The following CRACD variants were observed in gnomAD, a reference collection of about 807,000 sequenced individuals.
The protein encoded by CRACD is capping protein-inhibiting regulator of actin dynamics.
A neutral mutation model predicts 106.8 loss-of-function variants in CRACD; 56 were observed. The observed-to-expected ratio is 0.52, with a 90% confidence interval of 0.42 to 0.66. The LOEUF is 0.66. Ranked by LOEUF, CRACD falls within the 30% of genes least tolerant of loss-of-function variation. The pLI is 0.00. For missense variants in CRACD, 1,730 were observed against 1,623.2 expected (o/e 1.07, Z -1.13); for synonymous variants, 754 against 670.8 (o/e 1.12, Z -1.92).
chr4:56,230,605 C>T (rs1249283415), intron 2 of CRACD, among the ~76,000 whole-genome samples: 5 of 152,132 alleles, frequency 3.3e-5, no homozygotes, highest in Admixed American at 6.5e-5. Context: ...CAATGGTTTT[C>T]GAGCAGTGTT....
rs371586965 is a variant in CRACD at position 56,095,768 on chromosome 4, G to C, written c.-336+46469G>C. Among the ~76,000 whole-genome samples the C allele has an allele frequency of 1.6e-3, 239 of 152,236 alleles. 1 individual carries two copies. The highest frequency in any genetic ancestry group is 0.014 in the Middle Eastern group (4 of 294). On this transcript the variant is annotated intron_variant, in intron 1 of 10. Coordinates refer to ENST00000682029, the MANE Select transcript of CRACD (RefSeq NM_001393381.1). The stretch of plus-strand genomic sequence containing the variant: ...GATGAGTGATATAATCCAACTTATC[G>C]AGGTCACTCTGATGTCTGTTGAGAG...
At chr4:56,182,523 A>G (rs932406468) in intron 2 of CRACD, among the ~76,000 whole-genome samples, 2 of 151,898 alleles carry the variant, frequency 1.3e-5, no homozygotes, top group African/African-American at 2.4e-5. Context: ...GAGGATCGTC[A>G]GTGTGATTTC....
At chr4:56,086,242 G>A (rs1173286478) in intron 1 of CRACD, among the ~76,000 whole-genome samples, 3 of 152,140 alleles carry the variant, frequency 2.0e-5, no homozygotes, top group African/African-American at 7.2e-5. Flanking sequence ...GGGAGTGCAT[G>A]CTAATAAAGA....
intron 2 of CRACD, among the ~76,000 whole-genome samples, chr4:56,236,821 C>A (rs1307929011): frequency 6.6e-6 from 1 of 151,118 alleles, no homozygotes; most frequent in Non-Finnish European, 1.5e-5. Flanking sequence ...ATATTTGCAA[C>A]GTATTACAAA....
In CRACD at chr4:56,314,703, C is replaced by G. The variant is rs775692731; in HGVS notation, c.1201C>G (p.Leu401Val). The G allele has an allele frequency of 6.4e-7, 1 of 1,560,238 alleles. No individual in the cohort carries two copies. Among genetic ancestry groups the G allele is most frequent in the Non-Finnish European group, 8.7e-7 (1 of 1,152,238 alleles). The change falls in exon 8 of 11, where the codon CTG becomes GTG. Residue 401 changes from leucine (L) to valine (V), a missense_variant. This residue lies in a region of CRACD where 1,620 missense variants were observed against 1,481.6 expected (regional missense o/e 1.09). Coordinates refer to ENST00000682029, the MANE Select transcript of CRACD (RefSeq NM_001393381.1). The surrounding 1 kb of genome is among the most constrained non-coding windows in gnomAD (Gnocchi z 4.4). ...CCGGCGGGGCGCGGAGGAGGAGGAT[C>G]TGGGGGAAGAGGAGGAGGAGGGCCA... ...EGRRGAEEED[L>V]GEEEEEGQAH...
intron 1 of CRACD, among the ~76,000 whole-genome samples, chr4:56,079,457 T>C (rs996822586): frequency 6.6e-6 from 1 of 152,034 alleles, no homozygotes; most frequent in Non-Finnish European, 1.5e-5. Context: ...TTTCTTTTTT[T>C]TTTTTTGAGA....
At chr4:56,113,662 G>C (rs533739135) in intron 1 of CRACD, among the ~76,000 whole-genome samples, 4 of 152,058 alleles carry the variant, frequency 2.6e-5, no homozygotes, top group Admixed American at 6.6e-5. Context: ...TCATCATAGC[G>C]TTTATCTCAG....
At chr4:56,189,430 G>A (rs2109453013) in intron 2 of CRACD, among the ~76,000 whole-genome samples, 1 of 151,334 alleles carries the variant, frequency 6.6e-6, no homozygotes, top group African/African-American at 2.4e-5. Flanking sequence ...TAAGTTTTAG[G>A]GTACATGTGC....
chr4:56,108,707 T>C (rs1376505859), intron 1 of CRACD, among the ~76,000 whole-genome samples: 1 of 152,096 alleles, frequency 6.6e-6, no homozygotes, highest in Non-Finnish European at 1.5e-5. Context: ...AAGCAAGTCA[T>C]GTGATCATGG....
chr4:56,324,209 A>T lies in CRACD; in HGVS notation c.3484A>T (p.Arg1162Trp), dbSNP rs772173712. 6.2e-7 allele frequency: 1 copy of T among 1,614,222 alleles called. No homozygotes were observed. Among genetic ancestry groups the T allele is most frequent in the African/African-American group, 1.3e-5 (1 of 75,068 alleles). The change falls in exon 10 of 11, where the codon AGG (arginine) becomes TGG (tryptophan). Residue 1162 changes from arginine to tryptophan, a missense_variant. Coordinates refer to ENST00000682029, the MANE Select transcript of CRACD (RefSeq NM_001393381.1). ...EEKRPETAVS[R>W]LERREQLKKA... ...GAAGAGGCCCGAGACTGCAGTGTCC[A>T]GGCTTGAGCGCAGAGAACAGCTGAA...
chr4:56,314,517 G>A lies in CRACD; in HGVS notation c.1015G>A (p.Ala339Thr), dbSNP rs1466821111. 2.6e-6 allele frequency: 4 copies of A among 1,513,516 alleles called. No homozygotes were observed. The South Asian group carries it at 3.8e-5, about 14-fold the overall frequency. The allele number at this position is 1,513,516 out of a possible 1,614,324, so 93.8% of individuals were successfully genotyped here. ...AEERRRLEED[A>T]RLEERRRQEE... ...GGAGAGGCGGCGGCTGGAGGAGGAC[G>A]CCAGGCTGGAGGAGCGGAGGCGGCA... Residue 339 changes from alanine (A) to threonine (T), a missense_variant, in exon 8 of 11, where the codon GCC becomes ACC. Ala to Thr is a moderately conservative substitution (Grantham distance 58, BLOSUM62 0). This residue lies in a region of CRACD where 1,620 missense variants were observed against 1,481.6 expected (regional missense o/e 1.09). Transcript: ENST00000682029. This position sits in a 1 kb window ranked among gnomAD's most constrained non-coding sequence, Gnocchi z 4.4.
At chr4:56,229,741 C>A (rs776983186) in intron 2 of CRACD, among the ~76,000 whole-genome samples, 2 of 152,140 alleles carry the variant, frequency 1.3e-5, no homozygotes, top group Non-Finnish European at 2.9e-5. Context: ...CTGTATGGTA[C>A]CTTCTGAATA....
intron 2 of CRACD, among the ~76,000 whole-genome samples, chr4:56,262,916 A>T (rs185741249): frequency 4.6e-5 from 7 of 152,318 alleles, no homozygotes; most frequent in Admixed American, 3.3e-4. Flanking sequence ...GAGTTGTAAA[A>T]ATTCTGATTT....
chr4:56,160,689 T>G (rs1245979141), intron 1 of CRACD, among the ~76,000 whole-genome samples: 2 of 152,224 alleles, frequency 1.3e-5, no homozygotes, highest in Admixed American at 1.3e-4. Flanking sequence ...AGTCCCAGTT[T>G]CTTAATCAGT....
At chr4:56,098,301 G>T (rs1203785974) in intron 1 of CRACD, among the ~76,000 whole-genome samples, 2 of 152,202 alleles carry the variant, frequency 1.3e-5, no homozygotes, top group Non-Finnish European at 2.9e-5. Context: ...GGTATGGACA[G>T]GTTGAAAATT....
intron 2 of CRACD, among the ~76,000 whole-genome samples, chr4:56,219,564 G>C (rs1738919947): frequency 6.6e-6 from 1 of 152,150 alleles, no homozygotes; most frequent in African/African-American, 2.4e-5. Context: ...GGCCAGGCTG[G>C]TCTTGAACTC....
At chr4:56,069,959 T>G (rs563744350) in intron 1 of CRACD, among the ~76,000 whole-genome samples, 1 of 152,342 alleles carries the variant, frequency 6.6e-6, no homozygotes, top group East Asian at 1.9e-4. Context: ...GTGAGCAACT[T>G]CTGTAATTAT....
intron 1 of CRACD, among the ~76,000 whole-genome samples, chr4:56,090,286 G>T (rs10032508): frequency 6.6e-6 from 1 of 151,978 alleles, no homozygotes; most frequent in East Asian, 1.9e-4. Flanking sequence ...CACTGGGGTC[G>T]TCTGCCTGGC....
intron 1 of CRACD, among the ~76,000 whole-genome samples, chr4:56,163,224 C>T (rs1736018076): frequency 6.6e-6 from 1 of 152,020 alleles, no homozygotes; most frequent in Non-Finnish European, 1.5e-5. Flanking sequence ...TAGAGTAAGA[C>T]ATTTAACCTC....
Sources: allele counts gnomAD v4.1 joint callset (sites outside exome capture counted in the v4.1 genomes callset), GRCh38; gene constraint gnomAD v4.1.1; regional missense constraint gnomAD v4.1.1; non-coding constraint Gnocchi (gnomAD v3.1); transcripts MANE v1.5; gene names NCBI Gene and HGNC (gene_info 2026-07-23, HGNC 2026-07-21).